Variants in TBL1XR1 observed in about 807,000 individuals in gnomAD.
TBL1XR1 encodes F-box-like/WD repeat-containing protein TBL1XR1.
TBL1XR1 carries 5 observed loss-of-function variants against 66.9 expected under a neutral mutation model. The observed-to-expected ratio is 0.07, with a 90% CI of 0.04 to 0.16. TBL1XR1 has a LOEUF of 0.16. TBL1XR1 is among the 10% of genes least tolerant of loss of function. The probability of loss-of-function intolerance (pLI) is 1.00; values close to 1 mark genes in which losing one functional copy is unlikely to be tolerated. For synonymous variants in TBL1XR1, 210 were observed against 206.0 expected (o/e 1.02, Z -0.17); for missense variants, 238 against 623.2 (o/e 0.38, Z 6.58).
rs1712477677 is a variant in TBL1XR1 at position 177,022,247 on chromosome 3, A to G, written c.*3251T>C. 6.6e-6 allele frequency: 1 copy of G among 152,582 alleles called. No individual in the cohort carries two copies. Among genetic ancestry groups the G allele is most frequent in the African/African-American group, 2.4e-5 (1 of 41,460 alleles). The allele number at this position is 152,582 out of a possible 1,614,324, so 9.5% of individuals were successfully genotyped here. ...CAATCTAGTGATTACTTTTTGCACC[A>G]TAATTTGTTTTTTACACCACAAAAG... On this transcript the variant is annotated 3_prime_UTR_variant, in exon 16 of 16. Transcript: ENST00000457928.
At chr3:177,080,160 A>T (rs1421367638) in intron 2 of TBL1XR1, among the ~76,000 whole-genome samples, 1 of 152,218 alleles carries the variant, frequency 6.6e-6, no homozygotes, top group Non-Finnish European at 1.5e-5. Flanking sequence ...AAGGACATAC[A>T]CAAAATTTTA....
chr3:177,070,465 T>A (rs2108562096), intron 2 of TBL1XR1, among the ~76,000 whole-genome samples: 1 of 152,306 alleles, frequency 6.6e-6, no homozygotes, highest in African/African-American at 2.4e-5. Context: ...ATACTTCTGG[T>A]ACATATTTTC....
intron 1 of TBL1XR1, chr3:177,194,003 C>G (rs953886964): frequency 6.6e-6 from 1 of 152,216 alleles, no homozygotes; most frequent in African/African-American, 2.4e-5. Flanking sequence ...GAGCATAGCC[C>G]GGAGCACCTA....
intron 1 of TBL1XR1, among the ~76,000 whole-genome samples, chr3:177,148,875 G>A (rs376442653): frequency 7.9e-5 from 12 of 151,230 alleles, no homozygotes; most frequent in Non-Finnish European, 1.0e-4. Flanking sequence ...GTGGTGGTGC[G>A]TGCCTGTGAT....
intron 13 of TBL1XR1, 84 bp from the exon 14 acceptor site, chr3:177,033,220 C>T: frequency 8.1e-7 from 1 of 1,229,024 alleles, no homozygotes; most frequent in Non-Finnish European, 1.1e-6. Context: ...CCATATTCAG[C>T]CAAATCTAAT....
intron 10 of TBL1XR1, among the ~76,000 whole-genome samples, chr3:177,045,426 AC>A (rs1716192320): frequency 6.6e-6 from 1 of 152,150 alleles, no homozygotes; most frequent in African/African-American, 2.4e-5. Flanking sequence ...GAGCGTGGGC[AC>A]AAAAATATGG....
At chr3:177,039,927 T>G (rs1439193910) in intron 10 of TBL1XR1, among the ~76,000 whole-genome samples, 1 of 152,234 alleles carries the variant, frequency 6.6e-6, no homozygotes, top group East Asian at 1.9e-4. Context: ...AGCTGATTAG[T>G]GGCAACTGAG....
chr3:177,165,275 A>G (rs1211108375), intron 1 of TBL1XR1, among the ~76,000 whole-genome samples: 1 of 152,216 alleles, frequency 6.6e-6, no homozygotes, highest in East Asian at 1.9e-4. Context: ...AAAACCATTT[A>G]TATTACTCAG....
intron 4 of TBL1XR1, among the ~76,000 whole-genome samples, chr3:177,053,215 A>G (rs1560120509): frequency 6.6e-6 from 1 of 152,210 alleles, no homozygotes; most frequent in African/African-American, 2.4e-5. Context: ...TCTGCAGGCC[A>G]TAAGGTCTCT....
chr3:177,125,357 T>C (rs530487359), intron 1 of TBL1XR1, among the ~76,000 whole-genome samples: 3 of 152,174 alleles, frequency 2.0e-5, no homozygotes, highest in East Asian at 1.9e-4. Flanking sequence ...TGAGGTGCCA[T>C]TAGGATGGCA....
chr3:177,042,221 A>G (rs1053083564), intron 10 of TBL1XR1, among the ~76,000 whole-genome samples: 1 of 152,094 alleles, frequency 6.6e-6, no homozygotes, highest in African/African-American at 2.4e-5. Context: ...TAATCTTTCT[A>G]TTGTTAACAA....
chr3:177,141,421 T>C (rs1163399067), intron 1 of TBL1XR1, among the ~76,000 whole-genome samples: 1 of 152,230 alleles, frequency 6.6e-6, no homozygotes, highest in African/African-American at 2.4e-5. Flanking sequence ...ATGAATAATA[T>C]TCACAATGCA....
chr3:177,019,921 T>G lies in TBL1XR1; in HGVS notation c.*5577A>C, dbSNP rs1474659824. On this transcript the variant is annotated 3_prime_UTR_variant, in exon 16 of 16. Coordinates refer to ENST00000457928, the MANE Select transcript of TBL1XR1 (RefSeq NM_024665.7). ...TTTCTAATAAAACATAAAACTATGC[T>G]TGAATTTATTTCTGTTTAAGGAAAT... 1 of 151,908 alleles carries G rather than the reference T, an allele frequency of 6.6e-6. No homozygotes were observed. Among genetic ancestry groups the G allele is most frequent in the Non-Finnish European group, 1.5e-5 (1 of 67,982 alleles). 9.4% of individuals were successfully genotyped at this position (151,908 alleles called of 1,614,324 possible).
chr3:177,084,409 T>G (rs1296910387), intron 2 of TBL1XR1, among the ~76,000 whole-genome samples: 1 of 152,238 alleles, frequency 6.6e-6, no homozygotes, highest in Non-Finnish European at 1.5e-5. Context: ...GAATCACATA[T>G]GATGGCTTGT....
intron 1 of TBL1XR1, among the ~76,000 whole-genome samples, chr3:177,142,051 G>C (rs1485102290): frequency 6.6e-6 from 1 of 152,226 alleles, no homozygotes; most frequent in African/African-American, 2.4e-5. Context: ...CTAGAGGCGA[G>C]AGGAATGAGA....
chr3:177,059,710 T>C lies in TBL1XR1; in HGVS notation c.58+5210A>G, dbSNP rs150002359. Reference sequence around the variant, plus strand: ...TTCTTATATATCATCCTGGTTAATATTGTCAACTTGATTGGATTGAAGGAT... The same window carrying C: ...TTCTTATATATCATCCTGGTTAATACTGTCAACTTGATTGGATTGAAGGAT... On this transcript the variant is annotated intron_variant, in intron 3 of 15. Coordinates refer to ENST00000457928, the MANE Select transcript of TBL1XR1 (RefSeq NM_024665.7). Among the ~76,000 whole-genome samples, 524 of 152,276 alleles carry C rather than the reference T, an allele frequency of 3.4e-3. 2 individuals are homozygous for C. Among genetic ancestry groups the C allele is most frequent in the Admixed American group, 7.6e-3 (116 of 15,296 alleles).
intron 1 of TBL1XR1, chr3:177,164,079 G>A (rs1237146486): frequency 1.3e-5 from 2 of 152,084 alleles, no homozygotes; most frequent in African/African-American, 2.4e-5. Flanking sequence ...CAGATTATAC[G>A]CCCTTCTTAA....
At chr3:177,194,263 GC>G (rs1162883591) in intron 1 of TBL1XR1, 7 of 152,218 alleles carry the variant, frequency 4.6e-5, no homozygotes, top group Admixed American at 1.3e-4. Context: ...GAATGTCTGA[GC>G]ATAAAGTATA....
intron 7 of TBL1XR1, among the ~76,000 whole-genome samples, chr3:177,048,618 T>C (rs1716631764): frequency 1.3e-5 from 2 of 152,186 alleles, no homozygotes; most frequent in Admixed American, 1.3e-4. Flanking sequence ...CAATGTCAAG[T>C]TTCCTCTAAA....
Sources: allele counts gnomAD v4.1 joint callset (sites outside exome capture counted in the v4.1 genomes callset), GRCh38; gene constraint gnomAD v4.1.1; transcripts MANE v1.5; gene names NCBI Gene and HGNC (gene_info 2026-07-23, HGNC 2026-07-21).